Variants in PDK3 observed in about 807,000 individuals in gnomAD.
The protein encoded by PDK3 is pyruvate dehydrogenase kinase, isozyme 3.
Under a neutral mutation model 32.0 loss-of-function variants are expected in PDK3, and 12 were observed. That is an observed-to-expected ratio of 0.37 (90% confidence interval 0.24 to 0.61). The LOEUF is 0.61. Ranked by LOEUF, PDK3 falls within the 20% of genes least tolerant of loss-of-function variation. The probability of loss-of-function intolerance (pLI) is 0.65; values close to 1 mark genes in which losing one functional copy is unlikely to be tolerated. For missense variants in PDK3, 188 were observed against 316.9 expected (o/e 0.59, Z 3.09); for synonymous variants, 122 against 116.3 (o/e 1.05, Z -0.31).
At chrX:24,519,426 G>A (rs1303629382) in intron 6 of PDK3, among the ~76,000 whole-genome samples, 3 of 98,636 alleles carry the variant, frequency 3.0e-5, no homozygotes, top group African/African-American at 1.2e-4. Context: ...TTGGAGTACA[G>A]TGGTGTGATC....
intron 6 of PDK3, among the ~76,000 whole-genome samples, chrX:24,522,220 C>A (rs1922415350): frequency 9.0e-6 from 1 of 111,234 alleles, no homozygotes; most frequent in Non-Finnish European, 1.9e-5. Context: ...AAAAATGTAC[C>A]CTTAGATGGA....
At chrX:24,519,290 A>C (rs147508222) in intron 6 of PDK3, among the ~76,000 whole-genome samples, 25 of 110,623 alleles carry the variant, frequency 2.3e-4, no homozygotes, top group Non-Finnish European at 2.6e-4. Flanking sequence ...TAACAAATGC[A>C]AGCAGTCGAT....
At chrX:24,497,073 C>T (rs1921733662) in intron 2 of PDK3, among the ~76,000 whole-genome samples, 1 of 109,443 alleles carries the variant, frequency 9.1e-6, no homozygotes, top group Admixed American at 9.8e-5. Flanking sequence ...AGCCACCGCA[C>T]CTGGCCCAGA....
At chrX:24,542,415 A>T (rs759854165) in exon 12 of PDK3, among the ~76,000 whole-genome samples, 1 of 112,805 alleles carries the variant, frequency 8.9e-6, no homozygotes, top group Non-Finnish European at 1.9e-5. Context: ...TCCCAAAGCA[A>T]TTAAGGAGTT....
At chrX:24,479,041 T>C (rs1039735401) in intron 1 of PDK3, among the ~76,000 whole-genome samples, 1 of 112,547 alleles carries the variant, frequency 8.9e-6, no homozygotes, top group Non-Finnish European at 1.9e-5. Context: ...TTTCCCACAA[T>C]TGTTACATTT....
At chrX:24,487,750 C>A (rs1921439548) in intron 1 of PDK3, among the ~76,000 whole-genome samples, 1 of 109,402 alleles carries the variant, frequency 9.1e-6, no homozygotes, top group African/African-American at 3.3e-5. Flanking sequence ...TCCCAAACCA[C>A]CCCCCAACCC....
At chrX:24,511,586 A>G (rs1922118741) in intron 5 of PDK3, among the ~76,000 whole-genome samples, 1 of 111,589 alleles carries the variant, frequency 9.0e-6, no homozygotes, top group African/African-American at 3.3e-5. Context: ...AGTGACACAC[A>G]CCTGTAATCC....
chrX:24,498,815 T>G lies in PDK3; in HGVS notation c.249-14T>G, dbSNP rs766469321. 5.8e-6 allele frequency: 6 copies of G among 1,041,936 alleles called. No individual in the cohort carries two copies. Among genetic ancestry groups the G allele is most frequent in the Non-Finnish European group, 6.5e-6 (5 of 768,424 alleles). The allele number at this position is 1,041,936 out of a possible 1,213,427, so 85.9% of individuals were successfully genotyped here. A position where few individuals can be genotyped will look rare whatever the true frequency, so the allele number is the denominator to read the frequency against. Reference sequence around the variant, plus strand: ...ATAGTAACTCTTCTTTTTCTTTTTTTTTTTTCCTTTTAGGTATATGCAGAG... The same window carrying G: ...ATAGTAACTCTTCTTTTTCTTTTTTGTTTTTCCTTTTAGGTATATGCAGAG... On this transcript the variant is annotated splice_polypyrimidine_tract_variant and intron_variant, in intron 2 of 10. Transcript: ENST00000379162.
chrX:24,492,994 C>G (rs1335704557), intron 1 of PDK3, among the ~76,000 whole-genome samples: 1 of 104,496 alleles, frequency 9.6e-6, no homozygotes, highest in Admixed American at 1.0e-4. Flanking sequence ...AGCAACACTC[C>G]GTCAAAAAAA....
chrX:24,504,794 T>C (rs926238574), intron 4 of PDK3, among the ~76,000 whole-genome samples: 14 of 112,503 alleles, frequency 1.2e-4, no homozygotes, highest in Admixed American at 1.0e-3. Context: ...GAAGACACTT[T>C]GCAAGCTTGT....
intron 7 of PDK3, among the ~76,000 whole-genome samples, chrX:24,527,293 GAAA>G (rs758129546): frequency 1.8e-3 from 138 of 76,003 alleles, no homozygotes; most frequent in African/African-American, 5.0e-3. Flanking sequence ...ACCGTAAAGC[GAAA>G]AAAAAAAAAA....
At chrX:24,468,564 G>A in intron 1 of PDK3, among the ~76,000 whole-genome samples, 1 of 112,142 alleles carries the variant, frequency 8.9e-6, no homozygotes, top group Non-Finnish European at 1.9e-5. Context: ...GGGGTGGAGA[G>A]CAGAGCACTG....
intron 1 of PDK3, among the ~76,000 whole-genome samples, chrX:24,492,261 A>T (rs1212487645): frequency 3.6e-5 from 4 of 112,091 alleles, no homozygotes; most frequent in Non-Finnish European, 3.8e-5. Flanking sequence ...TTACATCCTG[A>T]TGAATCCATC....
chrX:24,486,065 T>C (rs193105627), intron 1 of PDK3, among the ~76,000 whole-genome samples: 1 of 112,106 alleles, frequency 8.9e-6, no homozygotes, highest in Non-Finnish European at 1.9e-5. Context: ...GAGGATACTT[T>C]TCTACAGTGT....
At chrX:24,488,004 CAAAAAAAAAAAAAA>C (rs34710130) in intron 1 of PDK3, among the ~76,000 whole-genome samples, 1 of 27,476 alleles carries the variant, frequency 3.6e-5, no homozygotes, top group African/African-American at 1.3e-4. Flanking sequence ...AACTCCATCT[CAAAAAAAAAAAAAA>C]AAAAAAAAAA....
At chrX:24,495,531 G>C (rs1921678412) in intron 2 of PDK3, among the ~76,000 whole-genome samples, 1 of 112,242 alleles carries the variant, frequency 8.9e-6, no homozygotes, top group Non-Finnish European at 1.9e-5. Flanking sequence ...AACTCAGGAA[G>C]ATACTTCACC....
chrX:24,531,890 C>G, intron 10 of PDK3, 120 bp downstream of exon 10: 1 of 413,609 alleles, frequency 2.4e-6, no homozygotes, highest in Non-Finnish European at 4.3e-6. Context: ...ACTTCATTTT[C>G]CCATGAAAAC....
downstream of PDK3, among the ~76,000 whole-genome samples, chrX:24,538,333 C>T (rs1019761925): frequency 7.2e-5 from 8 of 111,739 alleles, no homozygotes; most frequent in African/African-American, 3.2e-5. Context: ...TACAAATAAT[C>T]GGTAGAGATT....
chrX:24,478,073 C>G (rs1439210506), intron 1 of PDK3, among the ~76,000 whole-genome samples: 2 of 111,700 alleles, frequency 1.8e-5, no homozygotes, highest in Admixed American at 1.9e-4. Flanking sequence ...AGCATATCAT[C>G]AAAAGTGTGC....
Sources: gnomAD v4.1 joint callset for allele counts (sites outside exome capture counted in the v4.1 genomes callset) on GRCh38, gnomAD v4.1.1 for gene constraint, MANE v1.5 for transcripts, NCBI Gene and HGNC (gene_info 2026-07-23, HGNC 2026-07-21) for gene names.